The following PCDHA4 variants were observed in gnomAD, a reference collection of about 807,000 sequenced individuals.
PCDHA4 encodes the protein protocadherin alpha-4.
In PCDHA4, 49 loss-of-function variants were observed where a neutral mutation model predicts 61.4. That is an observed-to-expected ratio of 0.80 (90% CI 0.63 to 1.01). The LOEUF (loss-of-function observed/expected upper bound fraction) is 1.01, where lower values mean the gene tolerates loss of function less well. Ranked by LOEUF, PCDHA4 falls within the 50% of genes least tolerant of loss-of-function variation. The pLI, the probability that PCDHA4 is intolerant of heterozygous loss-of-function variation, is 0.00. For missense variants in PCDHA4, 1,254 were observed against 1,235.8 expected (o/e 1.01, Z -0.22); for synonymous variants, 590 against 550.3 (o/e 1.07, Z -1.01).
intron 1 of PCDHA4, chr5:140,968,409 C>G: frequency 3.7e-6 from 6 of 1,614,024 alleles, no homozygotes; most frequent in South Asian, 1.1e-5. Context: ...TTCTTTGTGA[C>G]TGTGGAGGCT....
chr5:140,843,091 G>A (rs1554139733), intron 1 of PCDHA4: 3 of 1,595,616 alleles, frequency 1.9e-6, no homozygotes, highest in Non-Finnish European at 2.6e-6. Flanking sequence ...CGGGCCACGT[G>A]GTAGCGAAGG....
At chr5:140,858,561 C>T in intron 1 of PCDHA4, 1 of 1,370,342 alleles carries the variant, frequency 7.3e-7, no homozygotes, top group Non-Finnish European at 1.0e-6. Flanking sequence ...TTGAATATTT[C>T]TAGTGATACC....
chr5:140,917,777 T>C (rs913092177), intron 1 of PCDHA4, among the ~76,000 whole-genome samples: 7 of 152,214 alleles, frequency 4.6e-5, no homozygotes, highest in Non-Finnish European at 1.0e-4. Context: ...ATTAGTACCA[T>C]GTTGTTTTGG....
chr5:140,980,657 A>G (rs553240428), intron 2 of PCDHA4, among the ~76,000 whole-genome samples: 2 of 151,966 alleles, frequency 1.3e-5, no homozygotes, highest in Non-Finnish European at 2.9e-5. Context: ...ATAAAATAAC[A>G]TAACTTCCTT....
Position 140,809,290 on chromosome 5 carries a change from C to T in PCDHA4, c.2103C>T (p.Ile701=). The part of the protein sequence containing the change: ...AALVDVNVYL[I]IAICAVSSLL... Reference sequence around the variant, plus strand: ...TGGTGGATGTCAACGTATACCTGATCATTGCCATCTGCGCGGTGTCCAGCC... The same window carrying T: ...TGGTGGATGTCAACGTATACCTGATTATTGCCATCTGCGCGGTGTCCAGCC... Residue 701 remains isoleucine, a synonymous_variant, in exon 1 of 4, where the codon ATC becomes ATT. Transcript: ENST00000530339. 1 of 1,614,126 alleles carries T rather than the reference C, an allele frequency of 6.2e-7. No individual in the cohort carries two copies. Among genetic ancestry groups the T allele is most frequent in the South Asian group, 1.1e-5 (1 of 91,090 alleles).
rs1250461159 is a variant in PCDHA4 at position 140,856,238 on chromosome 5, C to A, written c.2385+46666C>A. 4 of 1,597,820 alleles carry A rather than the reference C, an allele frequency of 2.5e-6. 1 individual carries two copies. Among genetic ancestry groups the A allele is most frequent in the African/African-American group, 1.3e-5 (1 of 74,234 alleles). On this transcript the variant is annotated intron_variant, in intron 1 of 3. Coordinates refer to ENST00000530339, the MANE Select transcript of PCDHA4 (RefSeq NM_018907.4). ...GGCGGAGCTGGTGCAGCGCCTGTTC[C>A]GGGTGGCGTCCAAAAGACACGGGGA... is the stretch of plus-strand genomic sequence containing the variant.
intron 1 of PCDHA4, chr5:140,853,114 C>G: frequency 6.6e-6 from 3 of 456,918 alleles, no homozygotes; most frequent in Non-Finnish European, 8.8e-6. Flanking sequence ...CTCCTGACCT[C>G]ATGATCCTCC....
rs781892888 is a variant in PCDHA4, at chr5:140,967,565, C to T, written c.2386-11384C>T. Reference sequence around the variant, plus strand: ...CCAGTCCACTTATCGCGTCCAGCTACGGGAGGACTCACCCCCAGGCACATT... The same window carrying T: ...CCAGTCCACTTATCGCGTCCAGCTATGGGAGGACTCACCCCCAGGCACATT... On this transcript the variant is annotated intron_variant, in intron 1 of 3. Transcript: ENST00000530339. The T allele has an allele frequency of 3.1e-6, 5 of 1,614,080 alleles. No individual in the cohort carries two copies. The highest frequency in any genetic ancestry group is 2.7e-5 in the African/African-American group (2 of 75,044).
Position 140,809,499 on chromosome 5 carries a change from C to A in PCDHA4, c.2312C>A (p.Ala771Asp). The stretch of plus-strand genomic sequence containing the variant: ...GGCCCACCCAAGACCGACCTCATGG[C>A]CTTCAGCCCCAGTTTACCTGACTCT... Reference protein sequence around the residue: ...GEGPPKTDLMAFSPSLPDSRD... With the variant: ...GEGPPKTDLMDFSPSLPDSRD... Residue 771 changes from alanine to aspartate, a missense_variant, in exon 1 of 4, where the codon GCC (alanine) becomes GAC (aspartate). By Grantham distance (126) the Ala-to-Asp change is moderately radical. Coordinates refer to ENST00000530339, the MANE Select transcript of PCDHA4 (RefSeq NM_018907.4). 6.2e-7 allele frequency: 1 copy of A among 1,614,218 alleles called. No homozygotes were observed. Among genetic ancestry groups the A allele is most frequent in the Non-Finnish European group, 8.5e-7 (1 of 1,180,036 alleles).
chr5:141,008,439 G>A (rs2098377388), intron 3 of PCDHA4, among the ~76,000 whole-genome samples: 1 of 152,128 alleles, frequency 6.6e-6, no homozygotes, highest in African/African-American at 2.4e-5. Context: ...TGCCCAGACA[G>A]ACCATTACCC....
chr5:140,839,045 G>A (rs914747083), intron 1 of PCDHA4, among the ~76,000 whole-genome samples: 2 of 151,914 alleles, frequency 1.3e-5, no homozygotes, highest in South Asian at 2.1e-4. Context: ...TCTTTTCAAC[G>A]TGAATAAGGA....
At chr5:140,811,756 A>G (rs1376410604) in intron 1 of PCDHA4, 18 of 152,164 alleles carry the variant, frequency 1.2e-4, no homozygotes, top group Non-Finnish European at 2.4e-4. Flanking sequence ...ACCAGTGATG[A>G]TGGGCATTTT....
rs2150278849 is a variant in PCDHA4 at position 140,837,698 on chromosome 5, C to T, written c.2385+28126C>T. ...CTTTTTTCTTTCTTCTTTCAAGACA[C>T]GCTCTCACTCCATCACCCAGGCTGC... On this transcript the variant is annotated intron_variant, in intron 1 of 3. Coordinates refer to ENST00000530339, the MANE Select transcript of PCDHA4 (RefSeq NM_018907.4). Among the ~76,000 whole-genome samples, 9 of 151,044 alleles carry T rather than the reference C, an allele frequency of 6.0e-5. No homozygotes were observed. In the East Asian group the frequency reaches 7.8e-4, roughly 13 times the overall value.
chr5:140,882,928 C>G (rs1554176132), intron 1 of PCDHA4: 1 of 1,614,140 alleles, frequency 6.2e-7, no homozygotes, highest in South Asian at 1.1e-5. Flanking sequence ...GAGGTAAACC[C>G]GAGCTGACTG....
Position 140,858,208 on chromosome 5 carries a change from G to A in PCDHA4, c.2385+48636G>A. 3 of 1,595,856 alleles carry A rather than the reference G, an allele frequency of 1.9e-6. 1 individual carries two copies. The highest frequency in any genetic ancestry group is 2.6e-6 in the Non-Finnish European group (3 of 1,166,438). ...CGCTGCTGCTGTACACTGCACTGAG[G>A]TGCTCGGCGGCGCCCACCGAGGGCG... On this transcript the variant is annotated intron_variant, in intron 1 of 3. Coordinates refer to ENST00000530339, the MANE Select transcript of PCDHA4 (RefSeq NM_018907.4).
chr5:140,882,299 C>T (rs781797969), intron 1 of PCDHA4: 33 of 1,613,690 alleles, frequency 2.0e-5, no homozygotes, highest in Non-Finnish European at 2.7e-5. Flanking sequence ...AGGCCCAAGA[C>T]CGCGGCAACT....
Position 140,823,324 on chromosome 5 carries a change from T to C in PCDHA4, c.2385+13752T>C, listed in dbSNP as rs2150124728. Reference sequence around the variant, plus strand: ...GGTGCACGCGGAGAGCGGCAAGGTGTACGCGCTGCAGCCGCTGGACCACGA... The same window carrying C: ...GGTGCACGCGGAGAGCGGCAAGGTGCACGCGCTGCAGCCGCTGGACCACGA... On this transcript the variant is annotated intron_variant, in intron 1 of 3. Coordinates refer to ENST00000530339, the MANE Select transcript of PCDHA4 (RefSeq NM_018907.4). 8 of 1,611,998 alleles carry C rather than the reference T, an allele frequency of 5.0e-6. No individual in the cohort carries two copies. The African/African-American group carries it at 9.3e-5, about 19-fold the overall frequency.
In PCDHA4 at chr5:140,908,379, G is replaced by A. The variant is rs553504980; in HGVS notation, c.2386-70570G>A. Among the ~76,000 whole-genome samples the A allele has an allele frequency of 7.2e-5, 11 of 152,198 alleles. No individual in the cohort carries two copies. In the South Asian group the frequency reaches 1.2e-3, roughly 17 times the overall value. On this transcript the variant is annotated intron_variant, in intron 1 of 3. Coordinates refer to ENST00000530339, the MANE Select transcript of PCDHA4 (RefSeq NM_018907.4). ...TTACTTGTGCCTTCAGGACCTGCTC[G>A]AGCCCGATCACATATATACCACTTC...
At chr5:140,827,327 G>A (rs2150084598) in intron 1 of PCDHA4, among the ~76,000 whole-genome samples, 1 of 152,306 alleles carries the variant, frequency 6.6e-6, no homozygotes, top group East Asian at 1.9e-4. Flanking sequence ...ACTAGAATTT[G>A]AAGTGGTGAA....
Sources: allele counts gnomAD v4.1 joint callset (sites outside exome capture counted in the v4.1 genomes callset), GRCh38; gene constraint gnomAD v4.1.1; transcripts MANE v1.5; gene names NCBI Gene and HGNC (gene_info 2026-07-23, HGNC 2026-07-21).